Variants in ALDH1A2 observed in about 807,000 individuals in gnomAD.
ALDH1A2 encodes the protein aldehyde dehydrogenase 1 family member A2, also known as retinal dehydrogenase 2.
A neutral mutation model predicts 60.3 loss-of-function variants in ALDH1A2; 27 were observed. That is an observed-to-expected ratio of 0.45 (90% CI 0.33 to 0.62). The LOEUF (loss-of-function observed/expected upper bound fraction) is 0.62, where lower values mean the gene tolerates loss of function less well. Among genes scored for constraint, ALDH1A2 ranks in the 20% least tolerant of loss-of-function variants. ALDH1A2 has a pLI of 0.02. For synonymous variants in ALDH1A2, 289 were observed against 232.4 expected (o/e 1.24, Z -2.21); for missense variants, 581 against 643.8 (o/e 0.90, Z 1.06).
Position 58,017,103 on chromosome 15 carries a change from T to C in ALDH1A2, c.118-2822A>G, listed in dbSNP as rs187245802. On this transcript the variant is annotated intron_variant, in intron 1 of 12. Transcript: ENST00000249750. ...TTGGGCTATGAGTCCTTCAGATAAA[T>C]TCTGTCAGACTTGAGAATCAGAGTA... Among the ~76,000 whole-genome samples the C allele has an allele frequency of 2.4e-4, 37 of 152,242 alleles. 1 individual carries two copies. Among genetic ancestry groups the C allele is most frequent in the Admixed American group, 9.2e-4 (14 of 15,288 alleles).
At chr15:57,970,640 A>T (rs1218548906) in intron 7 of ALDH1A2, among the ~76,000 whole-genome samples, 1 of 151,716 alleles carries the variant, frequency 6.6e-6, no homozygotes, top group Non-Finnish European at 1.5e-5. Context: ...GTTGGGTAAA[A>T]TTTTTTTTTA....
chr15:58,034,283 A>G lies in ALDH1A2; in HGVS notation c.118-20002T>C, dbSNP rs189719217. 6.6e-5 allele frequency among the ~76,000 whole-genome samples: 10 copies of G among 151,894 alleles called. No homozygotes were observed. In the East Asian group the frequency reaches 1.9e-3, roughly 29 times the overall value. ...AATTCCAAATGTTCATCACCAGTAT[A>G]TAAGAAATCAAATGACTTTTGTAGA... is the stretch of plus-strand genomic sequence containing the variant. On this transcript the variant is annotated intron_variant, in intron 1 of 12. Transcript: ENST00000249750.
At chr15:58,020,452 C>T (rs1193829967) in intron 1 of ALDH1A2, among the ~76,000 whole-genome samples, 2 of 151,894 alleles carry the variant, frequency 1.3e-5, no homozygotes, top group Non-Finnish European at 2.9e-5. Context: ...CACTGAAGAA[C>T]GAGGAGAATA....
chr15:58,058,227 C>G (rs1050367087), intron 1 of ALDH1A2: 2 of 613,500 alleles, frequency 3.3e-6, no homozygotes, highest in African/African-American at 3.7e-5. Flanking sequence ...CACTATCACA[C>G]ACATCTCAGT....
chr15:58,008,198 G>A (rs1895519732), intron 4 of ALDH1A2, among the ~76,000 whole-genome samples: 1 of 152,044 alleles, frequency 6.6e-6, no homozygotes, highest in Non-Finnish European at 1.5e-5. Flanking sequence ...GGCAGGGAGG[G>A]TACCTCATCC....
intron 1 of ALDH1A2, among the ~76,000 whole-genome samples, chr15:58,033,078 G>A (rs2140543737): frequency 6.6e-6 from 1 of 152,106 alleles, no homozygotes; most frequent in Middle Eastern, 3.4e-3. Flanking sequence ...TAGTAAGATA[G>A]AAGGAATAAA....
At chr15:58,033,445 A>AT (rs529955448) in intron 1 of ALDH1A2, among the ~76,000 whole-genome samples, 70 of 151,896 alleles carry the variant, frequency 4.6e-4, no homozygotes, top group African/African-American at 1.7e-3. Flanking sequence ...TGCACACTGT[A>AT]TTTTTTTGTT....
chr15:57,986,915 A>G (rs80027317), intron 7 of ALDH1A2, among the ~76,000 whole-genome samples: 14 of 152,248 alleles, frequency 9.2e-5, no homozygotes, highest in African/African-American at 3.4e-4. Context: ...TCAGCCTCCC[A>G]GAGTACTAGG....
At chr15:58,054,470 C>T (rs1299686449) in intron 1 of ALDH1A2, among the ~76,000 whole-genome samples, 1 of 152,080 alleles carries the variant, frequency 6.6e-6, no homozygotes, top group African/African-American at 2.4e-5. Context: ...TGCATGAATT[C>T]CTCTATTCTG....
chr15:58,002,836 G>A (rs1895319432), intron 4 of ALDH1A2, among the ~76,000 whole-genome samples: 2 of 151,858 alleles, frequency 1.3e-5, no homozygotes, highest in African/African-American at 4.8e-5. Context: ...ATTAAAAAAT[G>A]AGATGATTAC....
intron 1 of ALDH1A2, among the ~76,000 whole-genome samples, chr15:58,045,878 A>G (rs1472823718): frequency 6.6e-6 from 1 of 152,102 alleles, no homozygotes; most frequent in East Asian, 1.9e-4. Flanking sequence ...TTCTTCTTCC[A>G]CCTAAGGGAA....
chr15:57,984,936 A>C (rs1006807315), intron 7 of ALDH1A2, among the ~76,000 whole-genome samples: 4 of 152,190 alleles, frequency 2.6e-5, no homozygotes, highest in African/African-American at 9.7e-5. Flanking sequence ...TTTTTTACAT[A>C]TATAAAACCA....
In ALDH1A2 at chr15:58,062,214, GA is replaced by G. The variant is rs4646558; in HGVS notation, c.117+3319del. 5.1e-3 allele frequency among the ~76,000 whole-genome samples: 749 copies of G among 146,626 alleles called. 9 individuals are homozygous for G. Among genetic ancestry groups the G allele is most frequent in the African/African-American group, 0.018 (712 of 40,084 alleles). On this transcript the variant is annotated intron_variant, in intron 1 of 12. Coordinates refer to ENST00000249750, the MANE Select transcript of ALDH1A2 (RefSeq NM_003888.4). ...TCAGCCCCATATAATATCAGATGCA[GA>G]AAAAAAAAACATAACTCTTTGTTAC...
intron 9 of ALDH1A2, among the ~76,000 whole-genome samples, chr15:57,963,158 G>A (rs1169542220): frequency 6.6e-6 from 1 of 152,082 alleles, no homozygotes; most frequent in East Asian, 1.9e-4. Flanking sequence ...TTGGCAGCTC[G>A]TAAAAGGATA....
At chr15:58,039,124 T>C (rs1487510280) in intron 1 of ALDH1A2, among the ~76,000 whole-genome samples, 1 of 151,852 alleles carries the variant, frequency 6.6e-6, no homozygotes, top group African/African-American at 2.4e-5. Flanking sequence ...CCAATGGCTG[T>C]TGATTAAATG....
At chr15:58,012,724 C>T (rs1038609352) in intron 3 of ALDH1A2, among the ~76,000 whole-genome samples, 16 of 152,072 alleles carry the variant, frequency 1.1e-4, no homozygotes, top group Admixed American at 2.0e-4. Flanking sequence ...CATTTTGTTC[C>T]CATACTATGA....
intron 1 of ALDH1A2, among the ~76,000 whole-genome samples, chr15:58,031,574 G>C (rs1161109120): frequency 1.3e-5 from 2 of 152,144 alleles, no homozygotes; most frequent in African/African-American, 4.8e-5. Flanking sequence ...AGAGTGAACA[G>C]GCAACCTACA....
chr15:58,035,925 G>C (rs1369239360), intron 1 of ALDH1A2, among the ~76,000 whole-genome samples: 2 of 151,500 alleles, frequency 1.3e-5, no homozygotes, highest in Non-Finnish European at 3.0e-5. Flanking sequence ...AACTGGTATT[G>C]GCATTCACCT....
intron 1 of ALDH1A2, among the ~76,000 whole-genome samples, chr15:58,037,282 A>C (rs1437468885): frequency 1.3e-5 from 2 of 151,700 alleles, no homozygotes; most frequent in African/African-American, 4.8e-5. Flanking sequence ...ATGAGAAAAG[A>C]GAAAGAATTT....
Sources: gnomAD v4.1 joint callset for allele counts (sites outside exome capture counted in the v4.1 genomes callset) on GRCh38, gnomAD v4.1.1 for gene constraint, MANE v1.5 for transcripts, NCBI Gene and HGNC (gene_info 2026-07-23, HGNC 2026-07-21) for gene names.